The following SIL1 variants were observed in gnomAD, a reference collection of about 807,000 sequenced individuals.
The protein encoded by SIL1 is SIL1 nucleotide exchange factor, also known as nucleotide exchange factor SIL1.
A neutral mutation model predicts 49.1 loss-of-function variants in SIL1; 40 were observed. That is an observed-to-expected ratio of 0.81 (90% CI 0.63 to 1.06). The LOEUF is 1.06. Ranked by LOEUF, SIL1 falls within the 50% of genes least tolerant of loss-of-function variation. The pLI is 0.00. For missense variants in SIL1, 500 were observed against 572.6 expected, an observed-to-expected ratio of 0.87 and a Z score of 1.29; for synonymous variants, 253 against 250.8, an observed-to-expected ratio of 1.01 and a Z score of -0.08.
intron 7 of SIL1, among the ~76,000 whole-genome samples, chr5:138,975,689 G>T (rs1051753410): frequency 1.3e-5 from 2 of 152,188 alleles, no homozygotes; most frequent in African/African-American, 4.8e-5. Context: ...GCCACAAAAA[G>T]AACTGAAGTT....
At chr5:138,989,060 G>A (rs1173522749) in intron 7 of SIL1, among the ~76,000 whole-genome samples, 1 of 152,214 alleles carries the variant, frequency 6.6e-6, no homozygotes, top group Non-Finnish European at 1.5e-5. Context: ...GTAGCAAAGG[G>A]ACACGGTGGA....
At chr5:139,158,047 G>T (rs1454477550) in intron 1 of SIL1, among the ~76,000 whole-genome samples, 3 of 152,132 alleles carry the variant, frequency 2.0e-5, no homozygotes, top group African/African-American at 7.2e-5. Flanking sequence ...TTAGAGAGTT[G>T]CAAAACTGGG....
intron 1 of SIL1, among the ~76,000 whole-genome samples, chr5:139,154,896 C>T (rs186299155): frequency 6.6e-6 from 1 of 152,244 alleles, no homozygotes; most frequent in East Asian, 1.9e-4. Context: ...AACTAATGAA[C>T]ATAGTAATTA....
intron 3 of SIL1, among the ~76,000 whole-genome samples, chr5:139,056,645 G>C (rs1301617524): frequency 1.4e-5 from 2 of 142,750 alleles, no homozygotes; most frequent in African/African-American, 5.9e-5. Flanking sequence ...GGAGGGAGGT[G>C]GGGGGGTCAG....
chr5:139,120,009 G>A (rs750594238), intron 3 of SIL1, among the ~76,000 whole-genome samples: 4 of 152,176 alleles, frequency 2.6e-5, no homozygotes, highest in Admixed American at 6.5e-5. Flanking sequence ...TGGCTTCCTC[G>A]GTGCTTCATC....
intron 7 of SIL1, among the ~76,000 whole-genome samples, chr5:138,989,704 C>A (rs1235974763): frequency 6.6e-6 from 1 of 152,114 alleles, no homozygotes; most frequent in African/African-American, 2.4e-5. Flanking sequence ...CTCTCCTTTG[C>A]AAAAGGGGAA....
chr5:139,156,800 C>T (rs1440564233), intron 1 of SIL1, among the ~76,000 whole-genome samples: 1 of 152,206 alleles, frequency 6.6e-6, no homozygotes, highest in East Asian at 1.9e-4. Context: ...TTAACTTCAG[C>T]CCAGTGACAC....
chr5:138,950,034 C>T (rs1344563718), intron 9 of SIL1, among the ~76,000 whole-genome samples: 1 of 152,146 alleles, frequency 6.6e-6, no homozygotes, highest in Non-Finnish European at 1.5e-5. Context: ...GAGGCAGGCT[C>T]CCGGGGCCGG....
At chr5:138,987,194 C>G (rs1767666312) in intron 7 of SIL1, among the ~76,000 whole-genome samples, 1 of 151,246 alleles carries the variant, frequency 6.6e-6, no homozygotes, top group Admixed American at 6.6e-5. Context: ...GATCACAGCT[C>G]ACTGTAATCT....
chr5:139,117,767 C>G (rs1022048890), intron 3 of SIL1, among the ~76,000 whole-genome samples: 3 of 152,154 alleles, frequency 2.0e-5, no homozygotes, highest in African/African-American at 7.2e-5. Context: ...AGTGAGGATG[C>G]TGACAGTAAT....
At chr5:139,181,948 G>A (rs1040191739) in intron 1 of SIL1, among the ~76,000 whole-genome samples, 1 of 152,202 alleles carries the variant, frequency 6.6e-6, no homozygotes, top group African/African-American at 2.4e-5. Flanking sequence ...GGGCTGGCCT[G>A]TTTTGTTTTC....
intron 7 of SIL1, among the ~76,000 whole-genome samples, chr5:138,963,031 A>T (rs542697744): frequency 6.6e-6 from 1 of 152,248 alleles, no homozygotes; most frequent in Non-Finnish European, 1.5e-5. Context: ...AAGCTAAAAC[A>T]TACGGGAGAT....
chr5:139,133,927 T>C (rs748791322), intron 1 of SIL1, among the ~76,000 whole-genome samples: 5 of 152,212 alleles, frequency 3.3e-5, no homozygotes, highest in Admixed American at 6.5e-5. Context: ...TAAGGCCAAT[T>C]CTTGGCTCTG....
At chr5:139,058,244 T>C (rs772263490) in intron 3 of SIL1, among the ~76,000 whole-genome samples, 28 of 152,012 alleles carry the variant, frequency 1.8e-4, no homozygotes, top group South Asian at 2.1e-4. Flanking sequence ...TTAATGGCTG[T>C]CAGGGGCTGT....
intron 6 of SIL1, among the ~76,000 whole-genome samples, chr5:139,025,563 T>C (rs147355754): frequency 1.3e-4 from 20 of 152,306 alleles, no homozygotes; most frequent in African/African-American, 4.8e-4. Flanking sequence ...TCAAACTCTC[T>C]AGTGGTTCTT....
chr5:138,965,362 CTTCT>C (rs1218791890), intron 7 of SIL1, among the ~76,000 whole-genome samples: 1 of 152,188 alleles, frequency 6.6e-6, no homozygotes. Flanking sequence ...CTGGGATTTA[CTTCT>C]TTGAGTCTTA....
chr5:139,016,295 T>G lies in SIL1; in HGVS notation c.767+4876A>C, dbSNP rs551851205. ...GCCAAGAACAGATAAAAAGAGAATG[T>G]GGGAGGAAAAATCTAGTTTGTGAAA... On this transcript the variant is annotated intron_variant, in intron 7 of 9. Transcript: ENST00000394817. Among the ~76,000 whole-genome samples the G allele has an allele frequency of 1.3e-5, 2 of 152,076 alleles. 1 individual carries two copies. Among genetic ancestry groups the G allele is most frequent in the Non-Finnish European group, 2.9e-5 (2 of 68,006 alleles).
At chr5:138,976,525 G>T (rs1767397081) in intron 7 of SIL1, among the ~76,000 whole-genome samples, 1 of 151,972 alleles carries the variant, frequency 6.6e-6, no homozygotes, top group Non-Finnish European at 1.5e-5. Context: ...TGTTGGCCAG[G>T]CTGGTCTCAA....
At chr5:138,949,870 C>A (rs1766726378) in intron 9 of SIL1, among the ~76,000 whole-genome samples, 1 of 151,856 alleles carries the variant, frequency 6.6e-6, no homozygotes, top group African/African-American at 2.4e-5. Context: ...ACAGAGAAGC[C>A]CTGACTGCCT....
Sources: gnomAD v4.1 joint callset for allele counts (sites outside exome capture counted in the v4.1 genomes callset) on GRCh38, gnomAD v4.1.1 for gene constraint, MANE v1.5 for transcripts, NCBI Gene and HGNC (gene_info 2026-07-23, HGNC 2026-07-21) for gene names.